The following TCF12 variants were observed in gnomAD, a reference collection of about 807,000 sequenced individuals.
TCF12 encodes DNA-binding protein HTF4.
A neutral mutation model predicts 86.0 loss-of-function variants in TCF12; 45 were observed. The ratio of observed to expected loss-of-function variants is 0.52; its 90% CI spans 0.41 to 0.67. The LOEUF (loss-of-function observed/expected upper bound fraction) is 0.67. TCF12 is among the 30% of genes least tolerant of loss of function. TCF12 has a pLI of 0.00. For missense variants in TCF12, 881 were observed against 859.9 expected (o/e 1.02, Z -0.31); for synonymous variants, 330 against 299.6 (o/e 1.10, Z -1.05).
intron 20 of TCF12, among the ~76,000 whole-genome samples, chr15:57,285,357 T>G (rs1403274974): frequency 6.6e-6 from 1 of 152,210 alleles, no homozygotes; most frequent in Non-Finnish European, 1.5e-5. Flanking sequence ...TATTAAAAAT[T>G]TAAAGTAGAA....
At chr15:57,205,919 CTGTATACAGTGATACTTGTTATTGTTATT>C (rs1432826835) in intron 8 of TCF12, among the ~76,000 whole-genome samples, 1 of 152,178 alleles carries the variant, frequency 6.6e-6, no homozygotes, top group African/African-American at 2.4e-5. Flanking sequence ...ACTGATATGG[CTGTATACAGTGATACTTGTTATTGTTATT>C]TTCTGACTTC....
intron 3 of TCF12, among the ~76,000 whole-genome samples, chr15:57,015,332 T>C (rs1361168792): frequency 1.3e-5 from 2 of 152,176 alleles, no homozygotes; most frequent in Non-Finnish European, 2.9e-5. Flanking sequence ...AAATTTAACA[T>C]AGTGCTAAGT....
chr15:57,228,746 G>A (rs2058998930), intron 8 of TCF12, among the ~76,000 whole-genome samples: 2 of 136,794 alleles, frequency 1.5e-5, no homozygotes, highest in South Asian at 2.4e-4. Flanking sequence ...ATTTAAAAAT[G>A]TAAGTATATT....
chr15:57,210,835 C>T (rs1403326927), intron 8 of TCF12, among the ~76,000 whole-genome samples: 2 of 152,216 alleles, frequency 1.3e-5, no homozygotes, highest in South Asian at 2.1e-4. Flanking sequence ...TACATACTCA[C>T]TACAGCCACA....
rs891751540 is a variant in TCF12 at position 57,273,161 on chromosome 15, G to A, written c.1877G>A (p.Arg626Gln). The stretch of plus-strand genomic sequence containing the variant: ...AATGAAGCATTCAAAGAGCTTGGCC[G>A]AATGTGTCAGCTTCACTTGAAGAGT... ...DINEAFKELG[R>Q]MCQLHLKSEK... is the part of the protein sequence containing the mutation. Residue 626 changes from arginine to glutamine, a missense_variant, in exon 19 of 21, where the codon CGA becomes CAA. Physicochemically the swap from Arg to Gln is conservative, Grantham distance 43. Coordinates refer to ENST00000333725, the MANE Select transcript of TCF12 (RefSeq NM_207037.2). The A allele has an allele frequency of 7.9e-5, 128 of 1,614,080 alleles. No homozygotes were observed. Among genetic ancestry groups the A allele is most frequent in the Non-Finnish European group, 1.0e-4 (122 of 1,180,042 alleles).
At chr15:57,018,124 G>T (rs1029187371) in intron 3 of TCF12, among the ~76,000 whole-genome samples, 1 of 152,210 alleles carries the variant, frequency 6.6e-6, no homozygotes, top group Non-Finnish European at 1.5e-5. Context: ...TAAGTAGAGA[G>T]CGTATTGGGG....
chr15:57,257,662 TA>T (rs71113093), intron 16 of TCF12, among the ~76,000 whole-genome samples: 129,457 of 132,970 alleles, frequency 0.97, 63,071 homozygotes, highest in South Asian at 1. Flanking sequence ...CCCTGTCTCT[TA>T]AAAAAAAAAA....
In TCF12 at chr15:57,024,216, C is replaced by CTTTTTT. The variant is rs59793819; in HGVS notation, c.149-39515_149-39510dup. Among the ~76,000 whole-genome samples, 415 of 111,210 alleles carry CTTTTTT rather than the reference C, an allele frequency of 3.7e-3. 12 individuals are homozygous for CTTTTTT. Among genetic ancestry groups the CTTTTTT allele is most frequent in the African/African-American group, 0.012 (388 of 31,932 alleles). 73.0% of individuals were successfully genotyped at this position (111,210 alleles called of 152,430 possible). Reference sequence around the variant, plus strand: ...TGAGGACCCATACTCAAAAAAGTGTCTTTTTTTTTTTTTTTTTTTTTTTTG... The same window carrying CTTTTTT: ...TGAGGACCCATACTCAAAAAAGTGTCTTTTTTTTTTTTTTTTTTTTTTTTTTTTTTG... On this transcript the variant is annotated intron_variant, in intron 3 of 20. Transcript: ENST00000333725.
At chr15:57,164,192 C>T (rs1408771683) in intron 5 of TCF12, among the ~76,000 whole-genome samples, 2 of 152,152 alleles carry the variant, frequency 1.3e-5, no homozygotes, top group African/African-American at 4.8e-5. Flanking sequence ...ATTGTTAACG[C>T]TGTGAGACTT....
At chr15:57,072,609 G>A in intron 4 of TCF12, 2 of 1,243,364 alleles carry the variant, frequency 1.6e-6, no homozygotes, top group Non-Finnish European at 2.1e-6. Context: ...AATTAGAAAG[G>A]ACACACGAAT....
chr15:57,070,705 C>T (rs2069297275), intron 4 of TCF12, among the ~76,000 whole-genome samples: 2 of 152,108 alleles, frequency 1.3e-5, no homozygotes, highest in South Asian at 2.1e-4. Flanking sequence ...TGGCTAAGAA[C>T]CTCTCTATAG....
chr15:57,065,358 T>C (rs16977230), intron 4 of TCF12, among the ~76,000 whole-genome samples: 2 of 152,246 alleles, frequency 1.3e-5, no homozygotes, highest in African/African-American at 4.8e-5. Flanking sequence ...TTGAGGCTAC[T>C]TAAACTGGTT....
At chr15:57,034,593 A>G (rs2066392063) in intron 3 of TCF12, among the ~76,000 whole-genome samples, 2 of 152,206 alleles carry the variant, frequency 1.3e-5, no homozygotes, top group African/African-American at 4.8e-5. Context: ...ACACACATAT[A>G]TGTAGATGTA....
chr15:57,177,633 A>AGAGAGAGAGAGAGAGAGAGAGAGAGG (rs1362152149), intron 6 of TCF12, among the ~76,000 whole-genome samples: 1 of 151,622 alleles, frequency 6.6e-6, no homozygotes, highest in African/African-American at 2.4e-5. Context: ...AGAGAGAGAG[A>AGAGAGAGAGAGAGAGAGAGAGAGAGG]GAGAGTTGGA....
At chr15:57,000,461 A>C (rs2063960340) in intron 3 of TCF12, among the ~76,000 whole-genome samples, 1 of 152,202 alleles carries the variant, frequency 6.6e-6, no homozygotes, top group African/African-American at 2.4e-5. Context: ...GAAAATGAAA[A>C]GTTTATCAAA....
chr15:57,264,195 C>CTTTTTTGTTTTTTTTTTTTTTTTTT (rs2060729250), intron 18 of TCF12, among the ~76,000 whole-genome samples: 1 of 50,698 alleles, frequency 2.0e-5, no homozygotes, highest in African/African-American at 1.0e-4. Context: ...CTTTTGTAAG[C>CTTTTTTGTTTTTTTTTTTTTTTTTT]TTTTTTTTTT....
chr15:56,926,520 T>C (rs1281435918), intron 3 of TCF12, among the ~76,000 whole-genome samples: 31 of 152,030 alleles, frequency 2.0e-4, no homozygotes, highest in Admixed American at 2.0e-3. Context: ...GATGGAGATA[T>C]GGACAATGAA....
At position 56,928,856 on chromosome 15, in the gene TCF12, A is replaced by C. The variant is rs138421933; in HGVS notation, c.148+7758A>C. ...TAAAATAAAAATTACTTGACTGGAAAGGATAGAACGCCTGGGAACAGGTTG... is the reference window on the plus strand; with the variant it reads ...TAAAATAAAAATTACTTGACTGGAACGGATAGAACGCCTGGGAACAGGTTG... On this transcript the variant is annotated intron_variant, in intron 3 of 20. Coordinates refer to ENST00000333725, the MANE Select transcript of TCF12 (RefSeq NM_207037.2). 2.2e-3 allele frequency among the ~76,000 whole-genome samples: 334 copies of C among 152,316 alleles called. 16 individuals are homozygous for C. The East Asian group carries it at 0.055, about 25-fold the overall frequency.
chr15:57,013,373 C>T (rs987788431), intron 3 of TCF12, among the ~76,000 whole-genome samples: 1 of 152,144 alleles, frequency 6.6e-6, no homozygotes, highest in Non-Finnish European at 1.5e-5. Context: ...TGCAATGGCA[C>T]GATCCCGGCT....
Sources: gnomAD v4.1 joint callset for allele counts (sites outside exome capture counted in the v4.1 genomes callset) on GRCh38, gnomAD v4.1.1 for gene constraint, MANE v1.5 for transcripts, NCBI Gene and HGNC (gene_info 2026-07-23, HGNC 2026-07-21) for gene names.